Variants in GMDS observed in about 807,000 individuals in gnomAD.
GMDS encodes GDP-mannose 4,6-dehydratase, also known as GDP-mannose 4,6 dehydratase.
GMDS carries 20 observed loss-of-function variants against 49.9 expected under a neutral mutation model. The ratio of observed to expected loss-of-function variants is 0.40; its 90% CI spans 0.28 to 0.58. The LOEUF is 0.58. Among genes scored for constraint, GMDS ranks in the 20% least tolerant of loss-of-function variants. The pLI is 0.42. For missense variants in GMDS, 362 were observed against 481.4 expected (o/e 0.75, Z 2.32); for synonymous variants, 177 against 178.6 (o/e 0.99, Z 0.07).
chr6:2,044,664 C>T (rs540907203), intron 4 of GMDS, among the ~76,000 whole-genome samples: 2 of 152,170 alleles, frequency 1.3e-5, no homozygotes, highest in South Asian at 2.1e-4. Context: ...AACCCCGTGG[C>T]GTGAGTTCAC....
intron 4 of GMDS, among the ~76,000 whole-genome samples, chr6:2,037,023 TA>T (rs1769348655): frequency 6.6e-6 from 1 of 152,170 alleles, no homozygotes; most frequent in South Asian, 2.1e-4. Context: ...ACTTGTGAGA[TA>T]AAAGGAGGGA....
At chr6:1,859,290 A>G (rs1758080096) in intron 7 of GMDS, among the ~76,000 whole-genome samples, 1 of 152,198 alleles carries the variant, frequency 6.6e-6, no homozygotes, top group South Asian at 2.1e-4. Flanking sequence ...TGCTTGGACA[A>G]TGGCCCTCTA....
chr6:1,779,950 T>G (rs1181561791), intron 7 of GMDS, among the ~76,000 whole-genome samples: 2 of 152,210 alleles, frequency 1.3e-5, no homozygotes, highest in Non-Finnish European at 2.9e-5. Context: ...CCTGCCTCGG[T>G]TGGCTGAAGG....
intron 7 of GMDS, among the ~76,000 whole-genome samples, chr6:1,907,644 A>T (rs140441655): frequency 1.1e-4 from 16 of 152,326 alleles, no homozygotes; most frequent in Admixed American, 9.8e-4. Context: ...CATCAGTGAC[A>T]CATTTAATGT....
intron 8 of GMDS, among the ~76,000 whole-genome samples, chr6:1,733,006 C>A (rs1332580691): frequency 6.6e-6 from 1 of 152,198 alleles, no homozygotes; most frequent in East Asian, 1.9e-4. Context: ...CTCAGCACAC[C>A]CCAGCCTGAG....
intron 7 of GMDS, among the ~76,000 whole-genome samples, chr6:1,821,363 C>T (rs914771998): frequency 4.0e-5 from 6 of 150,398 alleles, no homozygotes; most frequent in South Asian, 4.3e-4. Flanking sequence ...AGGGGAGCCG[C>T]GGCTGGTGGG....
intron 8 of GMDS, among the ~76,000 whole-genome samples, chr6:1,740,144 G>A (rs1581531813): frequency 6.6e-6 from 1 of 152,078 alleles, no homozygotes; most frequent in African/African-American, 2.4e-5. Flanking sequence ...ACTTGTTTAA[G>A]TATAATCTGT....
At chr6:1,831,716 A>G (rs2113726197) in intron 7 of GMDS, among the ~76,000 whole-genome samples, 1 of 152,250 alleles carries the variant, frequency 6.6e-6, no homozygotes, top group South Asian at 2.1e-4. Flanking sequence ...ATTTATCTGA[A>G]GGAGCTGAAG....
intron 8 of GMDS, among the ~76,000 whole-genome samples, chr6:1,737,498 CA>C (rs1009068357): frequency 1.3e-5 from 2 of 149,732 alleles, no homozygotes; most frequent in Admixed American, 1.3e-4. Context: ...CACACACACA[CA>C]AACACACACA....
At chr6:1,883,292 G>C (rs1469006016) in intron 7 of GMDS, among the ~76,000 whole-genome samples, 3 of 152,100 alleles carry the variant, frequency 2.0e-5, no homozygotes, top group Admixed American at 2.0e-4. Flanking sequence ...TCGGGAGGCT[G>C]AGGCAGGAGA....
intron 1 of GMDS, among the ~76,000 whole-genome samples, chr6:2,214,661 G>C (rs1408598174): frequency 6.6e-6 from 1 of 152,058 alleles, no homozygotes; most frequent in Non-Finnish European, 1.5e-5. Context: ...ACACTTATGA[G>C]CTTCTTTTTT....
At chr6:1,980,134 T>C (rs908003616) in intron 4 of GMDS, among the ~76,000 whole-genome samples, 1 of 152,140 alleles carries the variant, frequency 6.6e-6, no homozygotes, top group African/African-American at 2.4e-5. Context: ...AGTAACCACA[T>C]AAACAAGTCT....
chr6:1,974,207 A>G (rs898664773), intron 4 of GMDS, among the ~76,000 whole-genome samples: 1 of 152,146 alleles, frequency 6.6e-6, no homozygotes, highest in African/African-American at 2.4e-5. Context: ...AAAATAAGTA[A>G]GCCCTCATGA....
intron 4 of GMDS, among the ~76,000 whole-genome samples, chr6:2,038,574 A>G (rs1769447088): frequency 7.8e-6 from 1 of 127,898 alleles, no homozygotes; most frequent in African/African-American, 2.8e-5. Context: ...TATATATTTT[A>G]AAACACTGCA....
intron 9 of GMDS, among the ~76,000 whole-genome samples, chr6:1,705,042 A>G (rs1331067151): frequency 1.3e-5 from 2 of 152,244 alleles, no homozygotes; most frequent in African/African-American, 2.4e-5. Context: ...GTAGGATACT[A>G]GTTCTATAGA....
At chr6:2,172,773 C>T (rs1166615175) in intron 1 of GMDS, among the ~76,000 whole-genome samples, 4 of 152,014 alleles carry the variant, frequency 2.6e-5, no homozygotes, top group Non-Finnish European at 4.4e-5. Context: ...AACCTACTCA[C>T]ATTAGAAGAG....
chr6:1,769,667 T>C (rs915070740), intron 7 of GMDS, among the ~76,000 whole-genome samples: 1 of 152,220 alleles, frequency 6.6e-6, no homozygotes, highest in Admixed American at 6.5e-5. Flanking sequence ...AAAATTTTGA[T>C]ATCCTTTAGG....
chr6:1,726,651 C>A, intron 8 of GMDS, 139 bp from the exon 9 acceptor site: 1 of 617,746 alleles, frequency 1.6e-6, no homozygotes, highest in East Asian at 2.7e-5. Flanking sequence ...GCTGATGCTC[C>A]AGCTGATTAT....
At chr6:1,676,146 A>G (rs1196544285) in intron 9 of GMDS, among the ~76,000 whole-genome samples, 1 of 151,902 alleles carries the variant, frequency 6.6e-6, no homozygotes, top group Non-Finnish European at 1.5e-5. Context: ...TAACAGACAA[A>G]CAGAGAGCCA....
Sources: gnomAD v4.1 joint callset for allele counts (sites outside exome capture counted in the v4.1 genomes callset) on GRCh38, gnomAD v4.1.1 for gene constraint, MANE v1.5 for transcripts, NCBI Gene and HGNC (gene_info 2026-07-23, HGNC 2026-07-21) for gene names.